TRMT11: variants seen among roughly 807,000 people sequenced by gnomAD.
TRMT11 encodes the protein tRNA (guanine(10)-N(2))-methyltransferase TRMT11.
A neutral mutation model predicts 62.8 loss-of-function variants in TRMT11; 53 were observed. The observed-to-expected ratio is 0.84, with a 90% CI of 0.68 to 1.06. TRMT11 has a LOEUF of 1.06. TRMT11 is among the 50% of genes least tolerant of loss of function. TRMT11 has a pLI of 0.00. For missense variants in TRMT11, 556 were observed against 553.4 expected, an observed-to-expected ratio of 1.00 and a Z score of -0.05; for synonymous variants, 188 against 190.3, an observed-to-expected ratio of 0.99 and a Z score of 0.10.
At chr6:126,042,629 T>C (rs1286770928), downstream of TRMT11, among the ~76,000 whole-genome samples, 1 of 152,194 alleles carries the variant, frequency 6.6e-6, no homozygotes, top group Admixed American at 6.6e-5. Context: ...AAGGAACCTG[T>C]TTTGACCTCT....
chr6:126,023,739 C>G (rs1796166396), intron 12 of TRMT11, among the ~76,000 whole-genome samples: 1 of 152,154 alleles, frequency 6.6e-6, no homozygotes, highest in Non-Finnish European at 1.5e-5. Flanking sequence ...GTCGCTTGAT[C>G]TCTACTATAT....
chr6:126,045,632 A>G (rs945549682), intron 16 of TRMT11, among the ~76,000 whole-genome samples: 1 of 152,146 alleles, frequency 6.6e-6, no homozygotes. Context: ...GGGCGTTTGG[A>G]GAGGTGTTTC....
chr6:126,121,342 A>G (rs1459403628), intron 21 of TRMT11, among the ~76,000 whole-genome samples: 1 of 152,146 alleles, frequency 6.6e-6, no homozygotes. Context: ...AAGAATAACA[A>G]TGAATTTTTC....
At chr6:126,151,177 A>C (rs1372859570) in intron 21 of TRMT11, among the ~76,000 whole-genome samples, 1 of 152,126 alleles carries the variant, frequency 6.6e-6, no homozygotes, top group African/African-American at 2.4e-5. Context: ...CATATATTGT[A>C]AATGTATGTA....
At chr6:126,184,167 A>G (rs888011222) in intron 1 of TRMT11, among the ~76,000 whole-genome samples, 6 of 152,240 alleles carry the variant, frequency 3.9e-5, no homozygotes, top group Non-Finnish European at 8.8e-5. Context: ...CTTATGAAGC[A>G]CAGGTAATGC....
At chr6:126,017,771 T>C (rs1795200013) in intron 11 of TRMT11, among the ~76,000 whole-genome samples, 1 of 152,224 alleles carries the variant, frequency 6.6e-6, no homozygotes, top group Non-Finnish European at 1.5e-5. Context: ...ATAAAATTAC[T>C]GTAGACTGTT....
At chr6:126,254,828 A>G in the TRMT11 span, among the ~76,000 whole-genome samples, 1 of 152,144 alleles carries the variant, frequency 6.6e-6, no homozygotes, top group Non-Finnish European at 1.5e-5. Context: ...TGGATCTAGG[A>G]ACTTGTAAAA....
intron 12 of TRMT11, among the ~76,000 whole-genome samples, chr6:126,026,080 C>A (rs1236810228): frequency 2.0e-5 from 3 of 152,124 alleles, no homozygotes; most frequent in African/African-American, 7.2e-5. Flanking sequence ...CAGGTTTTTT[C>A]ATTATTCCTT....
At chr6:126,227,143 T>C in the TRMT11 span, among the ~76,000 whole-genome samples, 1 of 152,252 alleles carries the variant, frequency 6.6e-6, no homozygotes, top group Non-Finnish European at 1.5e-5. Flanking sequence ...ACAATAGATA[T>C]TGATTTTTAA....
At chr6:126,261,064 A>G in the TRMT11 span, among the ~76,000 whole-genome samples, 1 of 152,164 alleles carries the variant, frequency 6.6e-6, no homozygotes, top group African/African-American at 2.4e-5. Flanking sequence ...CTATAATGAG[A>G]AAGTTTGTGT....
intron 7 of TRMT11, 79 bp downstream of exon 7, chr6:125,999,692 A>G: frequency 7.6e-7 from 1 of 1,319,406 alleles, no homozygotes; most frequent in East Asian, 2.4e-5. Flanking sequence ...TATTTTTGCT[A>G]AAAGAGTAAA....
rs1554242199 is a variant in TRMT11 at position 126,151,806 on chromosome 6, T to TTTTCTCTTTCTTTC, written c.*1824-23014_*1824-23013insCTTTCTTTCTTTCT. Among the ~76,000 whole-genome samples the TTTTCTCTTTCTTTC allele has an allele frequency of 1.0e-4, 9 of 86,880 alleles. No homozygotes were observed. In the East Asian group the frequency reaches 1.8e-3, roughly 17 times the overall value. The allele number at this position is 86,880 out of a possible 152,430, so 57.0% of individuals were successfully genotyped here. On this transcript the variant is annotated intron_variant and NMD_transcript_variant, in intron 21 of 22. Transcript: ENST00000648977. ...TTTCCTTCCTTCCTTCCTCTCTGTC[T>TTTTCTCTTTCTTTC]TTTCTTTCTTTCTTTCTTTCTTTCT... is the stretch of plus-strand genomic sequence containing the variant.
intron 8 of TRMT11, among the ~76,000 whole-genome samples, chr6:126,009,863 G>C (rs1793923031): frequency 6.6e-6 from 1 of 151,786 alleles, no homozygotes; most frequent in Non-Finnish European, 1.5e-5. Context: ...AGTTATGTTT[G>C]GAAACTTATG....
At chr6:126,071,430 G>A (rs1379508806) in intron 17 of TRMT11, among the ~76,000 whole-genome samples, 2 of 151,658 alleles carry the variant, frequency 1.3e-5, no homozygotes, top group Non-Finnish European at 2.9e-5. Flanking sequence ...AGTCCACAGA[G>A]CTTGGGATTA....
the TRMT11 span, among the ~76,000 whole-genome samples, chr6:126,239,157 A>G: frequency 1.3e-5 from 2 of 151,634 alleles, no homozygotes; most frequent in Admixed American, 6.6e-5. Flanking sequence ...GGTCTTGACT[A>G]TCCAATTTGC....
intron 21 of TRMT11, among the ~76,000 whole-genome samples, chr6:126,124,642 A>G (rs1303896309): frequency 1.3e-5 from 2 of 152,080 alleles, no homozygotes; most frequent in Admixed American, 1.3e-4. Flanking sequence ...GCATAAGAAC[A>G]TTTTGAACAT....
chr6:126,137,824 A>G (rs1777869733), intron 21 of TRMT11, among the ~76,000 whole-genome samples: 1 of 151,894 alleles, frequency 6.6e-6, no homozygotes, highest in African/African-American at 2.4e-5. Flanking sequence ...TTGCAGCAAC[A>G]TGGATAGGAC....
chr6:126,008,889 T>G, intron 8 of TRMT11: 1 of 342,740 alleles, frequency 2.9e-6, no homozygotes, highest in Non-Finnish European at 5.7e-6. Flanking sequence ...TATTTTAATC[T>G]TCAAATACAA....
intron 21 of TRMT11, among the ~76,000 whole-genome samples, chr6:126,153,535 TATG>T (rs1778082269): frequency 6.6e-6 from 1 of 152,208 alleles, no homozygotes; most frequent in African/African-American, 2.4e-5. Flanking sequence ...TAGTGTAAAA[TATG>T]AGTATATGAC....
Sources: allele counts gnomAD v4.1 joint callset (sites outside exome capture counted in the v4.1 genomes callset), GRCh38; gene constraint gnomAD v4.1.1; transcripts MANE v1.5; gene names NCBI Gene and HGNC (gene_info 2026-07-23, HGNC 2026-07-21).